The following C10orf143 variants were observed in gnomAD, a reference collection of about 807,000 sequenced individuals.
The protein encoded by C10orf143 is uncharacterized protein C10orf143.
At chr10:130,085,722 T>C (rs1435723832) in intron 1 of C10orf143, among the ~76,000 whole-genome samples, 1 of 152,206 alleles carries the variant, frequency 6.6e-6, no homozygotes, top group African/African-American at 2.4e-5. Context: ...ATGAACTCTA[T>C]ACTATGTTTT....
At chr10:130,037,075 T>C (rs1860553021) in intron 3 of C10orf143, among the ~76,000 whole-genome samples, 1 of 152,072 alleles carries the variant, frequency 6.6e-6, no homozygotes, top group Admixed American at 6.5e-5. Context: ...AATTGGACTA[T>C]TTTGGAAAGC....
chr10:130,105,523 G>C (rs939899916), intron 1 of C10orf143, among the ~76,000 whole-genome samples: 1 of 152,112 alleles, frequency 6.6e-6, no homozygotes, highest in East Asian at 1.9e-4. Flanking sequence ...CTGAGGTCAG[G>C]AGTTCGAGAC....
rs1267433489 is a variant in C10orf143, at chr10:130,101,865, C to CAAAAAAAAAAAAAAAAAAAAA, written c.69+8838_69+8839insTTTTTTTTTTTTTTTTTTTTT. On this transcript the variant is annotated intron_variant, in intron 1 of 3. Coordinates refer to ENST00000637128, the MANE Select transcript of C10orf143 (RefSeq NM_001355042.2). ...ACTCTGTCTCAAAAAAAAAAAAAAC[C>CAAAAAAAAAAAAAAAAAAAAA]AAAAAAAAAAAAAAAAAAAACTTTT... Among the ~76,000 whole-genome samples, 2 of 47,734 alleles carry CAAAAAAAAAAAAAAAAAAAAA rather than the reference C, an allele frequency of 4.2e-5. 1 individual carries two copies. Among genetic ancestry groups the CAAAAAAAAAAAAAAAAAAAAA allele is most frequent in the Non-Finnish European group, 6.9e-5 (2 of 29,086 alleles). 31.3% of individuals were successfully genotyped at this position (47,734 alleles called of 152,430 possible).
chr10:130,041,681 A>G (rs1166658868), intron 3 of C10orf143, among the ~76,000 whole-genome samples: 5 of 152,242 alleles, frequency 3.3e-5, no homozygotes, highest in Non-Finnish European at 5.9e-5. Flanking sequence ...CATCTTTTCA[A>G]TGTAGCAACA....
chr10:130,046,271 C>T (rs549314007), intron 3 of C10orf143, among the ~76,000 whole-genome samples: 67 of 152,086 alleles, frequency 4.4e-4, no homozygotes, highest in East Asian at 2.2e-3. Flanking sequence ...CGCGGGGGCA[C>T]GGCAATGGGT....
At chr10:130,051,192 G>A (rs1397895601) in intron 3 of C10orf143, among the ~76,000 whole-genome samples, 1 of 151,898 alleles carries the variant, frequency 6.6e-6, no homozygotes, top group African/African-American at 2.4e-5. Context: ...AACGGTGACC[G>A]TTGTGCTCAC....
intron 3 of C10orf143, among the ~76,000 whole-genome samples, chr10:130,041,682 T>A (rs1425722823): frequency 6.6e-6 from 1 of 152,244 alleles, no homozygotes; most frequent in Non-Finnish European, 1.5e-5. Context: ...ATCTTTTCAA[T>A]GTAGCAACAC....
chr10:130,096,850 T>TAA (rs71007592), intron 1 of C10orf143, among the ~76,000 whole-genome samples: 5,807 of 142,288 alleles, frequency 0.041, 311 homozygotes, highest in African/African-American at 0.12. Flanking sequence ...TAAAATATAT[T>TAA]AAAAAAAAAA....
chr10:130,093,171 A>C (rs1223914407), intron 1 of C10orf143, among the ~76,000 whole-genome samples: 2 of 152,226 alleles, frequency 1.3e-5, no homozygotes, highest in Non-Finnish European at 2.9e-5. Context: ...ATTGGAAGTA[A>C]AACATTCCTC....
intron 1 of C10orf143, among the ~76,000 whole-genome samples, chr10:130,088,436 T>C (rs1260322479): frequency 6.6e-6 from 1 of 152,198 alleles, no homozygotes; most frequent in Non-Finnish European, 1.5e-5. Flanking sequence ...TAGAAATCAG[T>C]AATGCAATTA....
intron 3 of C10orf143, among the ~76,000 whole-genome samples, chr10:130,039,047 T>C (rs151144018): frequency 6.6e-4 from 100 of 152,276 alleles, no homozygotes; most frequent in African/African-American, 2.3e-3. Context: ...AGGCTCAGCC[T>C]CAGACAAACC....
At chr10:130,073,040 A>G (rs1458139839) in intron 3 of C10orf143, among the ~76,000 whole-genome samples, 1 of 152,126 alleles carries the variant, frequency 6.6e-6, no homozygotes, top group Non-Finnish European at 1.5e-5. Context: ...CAGGTTCTTC[A>G]ATTATTTCAG....
chr10:130,042,500 G>C (rs2134723706), intron 3 of C10orf143, among the ~76,000 whole-genome samples: 1 of 152,370 alleles, frequency 6.6e-6, no homozygotes, highest in African/African-American at 2.4e-5. Flanking sequence ...CGTGTTTGCT[G>C]GTTGGAGCGC....
Position 130,108,378 on chromosome 10 carries a change from G to A in C10orf143, c.69+2326C>T, listed in dbSNP as rs61874369. On this transcript the variant is annotated intron_variant, in intron 1 of 3. Transcript: ENST00000637128. ...CGACCCCCACATTCTGAAGGTAGAA[G>A]TGAGTTCCCTTCAGGGCTGATTCCG... 6 of 1,127,744 alleles carry A rather than the reference G, an allele frequency of 5.3e-6. No homozygotes were observed. In the African/African-American group the frequency reaches 7.6e-5, roughly 14 times the overall value. The allele number at this position is 1,127,744 out of a possible 1,614,324, so 69.9% of individuals were successfully genotyped here.
intron 1 of C10orf143, among the ~76,000 whole-genome samples, chr10:130,084,030 G>T (rs1861250251): frequency 1.3e-5 from 2 of 152,202 alleles, no homozygotes; most frequent in Non-Finnish European, 2.9e-5. Flanking sequence ...ACTATTTTGG[G>T]CCAGGCATGG....
chr10:130,091,512 C>T (rs1489713589), intron 1 of C10orf143, among the ~76,000 whole-genome samples: 3 of 152,288 alleles, frequency 2.0e-5, no homozygotes, highest in African/African-American at 7.2e-5. Context: ...CTCTTCTCCT[C>T]CAAAGGAATA....
At chr10:130,049,977 T>C (rs1480330551) in intron 3 of C10orf143, among the ~76,000 whole-genome samples, 2 of 152,156 alleles carry the variant, frequency 1.3e-5, no homozygotes, top group Non-Finnish European at 2.9e-5. Flanking sequence ...GGTGATGAAA[T>C]TGAGTGGTTT....
intron 1 of C10orf143, chr10:130,107,711 G>T: frequency 1.6e-6 from 2 of 1,246,806 alleles, no homozygotes; most frequent in Non-Finnish European, 2.4e-6. Flanking sequence ...GGAAGGAAGA[G>T]GCTCAAGAGG....
chr10:130,075,221 G>A (rs1403204241), intron 3 of C10orf143, among the ~76,000 whole-genome samples: 4 of 152,154 alleles, frequency 2.6e-5, no homozygotes, highest in Non-Finnish European at 4.4e-5. Context: ...CTCCCTACCC[G>A]TTTGAGTAAT....
Sources: gnomAD v4.1 joint callset for allele counts (sites outside exome capture counted in the v4.1 genomes callset) on GRCh38, gnomAD v4.1.1 for gene constraint, MANE v1.5 for transcripts, NCBI Gene and HGNC (gene_info 2026-07-23, HGNC 2026-07-21) for gene names.